Variants in DENND6A observed in about 807,000 individuals in gnomAD.
The protein encoded by DENND6A is protein DENND6A.
In DENND6A, 43 loss-of-function variants were observed where a neutral mutation model predicts 95.5. The ratio of observed to expected loss-of-function variants is 0.45; its 90% confidence interval spans 0.35 to 0.58. DENND6A has a LOEUF of 0.58. Among genes scored for constraint, DENND6A ranks in the 20% least tolerant of loss-of-function variants. The probability of loss-of-function intolerance (pLI) is 0.00; values close to 1 mark genes in which losing one functional copy is unlikely to be tolerated. For missense variants in DENND6A, 574 were observed against 736.0 expected (o/e 0.78, Z 2.55); for synonymous variants, 257 against 260.4 (o/e 0.99, Z 0.13).
chr3:57,690,527 A>C lies in DENND6A; in HGVS notation c.237+2255T>G, dbSNP rs190695279. ...CAGAGCAAGACTCTCTCTCTCAAAA[A>C]ACAAAAATTAGCTGGGCATGGTGAC... On this transcript the variant is annotated intron_variant, in intron 1 of 19. Coordinates refer to ENST00000311128, the MANE Select transcript of DENND6A (RefSeq NM_152678.3). Among the ~76,000 whole-genome samples, 1,055 of 151,766 alleles carry C rather than the reference A, an allele frequency of 7.0e-3. 7 individuals carry two copies. The highest frequency in any genetic ancestry group is 0.012 in the Non-Finnish European group (783 of 67,876).
intron 12 of DENND6A, among the ~76,000 whole-genome samples, chr3:57,641,219 ATATATATTTAAATATTTAAATATATAT>A (rs2070924160): frequency 6.9e-6 from 1 of 144,470 alleles, no homozygotes; most frequent in African/African-American, 2.5e-5. Flanking sequence ...AGTAATAAAA[ATATATATTTAAATATTTAAATATATAT>A]TATATATTTA....
At chr3:57,645,787 G>A (rs1392702044) in intron 10 of DENND6A, 31 bp from the exon 11 acceptor site, 1 of 1,536,154 alleles carries the variant, frequency 6.5e-7, no homozygotes, top group South Asian at 1.1e-5. Context: ...GTAAAATAAA[G>A]GACACAGAAA....
At chr3:57,635,208 T>C (rs1263314797) in intron 12 of DENND6A, among the ~76,000 whole-genome samples, 1 of 151,990 alleles carries the variant, frequency 6.6e-6, no homozygotes, top group Non-Finnish European at 1.5e-5. Context: ...GGGGTTTTGT[T>C]TTGTTTTGTT....
chr3:57,638,117 G>C (rs1302987666), intron 12 of DENND6A, among the ~76,000 whole-genome samples: 2 of 151,934 alleles, frequency 1.3e-5, no homozygotes, highest in African/African-American at 4.8e-5. Context: ...CTGGAAGACA[G>C]ACCAAGACTC....
At chr3:57,672,185 TCATA>T in intron 3 of DENND6A, 67 bp downstream of exon 3, 1 of 1,382,252 alleles carries the variant, frequency 7.2e-7, no homozygotes, top group Non-Finnish European at 9.9e-7. Flanking sequence ...CAATCAATTT[TCATA>T]CATTAACAGT....
chr3:57,672,182 T>C (rs575827403), intron 3 of DENND6A, 74 bp downstream of exon 3: 2 of 1,368,990 alleles, frequency 1.5e-6, no homozygotes, highest in African/African-American at 1.5e-5. Flanking sequence ...TTTCAATCAA[T>C]TTTCATACAT....
chr3:57,663,609 T>C, intron 5 of DENND6A, 27 bp downstream of exon 5: 1 of 1,492,388 alleles, frequency 6.7e-7, no homozygotes, highest in Non-Finnish European at 9.1e-7. Context: ...AAAAAATACT[T>C]TTTTTATTAG....
chr3:57,662,222 ACT>A (rs1418754878), intron 5 of DENND6A, among the ~76,000 whole-genome samples: 1 of 108,512 alleles, frequency 9.2e-6, no homozygotes, highest in Non-Finnish European at 1.7e-5. Context: ...ACAAGGTCTC[ACT>A]CTGTCACCCA....
At position 57,626,863 on chromosome 3, in the gene DENND6A, A is replaced by G. The variant is rs2070541496; in HGVS notation, c.*1351T>C. ...AACAACAACAAAAGCTAACCATGAC[A>G]GTGACTCAGGCGAAAGTTCCCATGT... On this transcript the variant is annotated 3_prime_UTR_variant, in exon 20 of 20. Coordinates refer to ENST00000311128, the MANE Select transcript of DENND6A (RefSeq NM_152678.3). 6.6e-6 allele frequency: 1 copy of G among 152,630 alleles called. No individual in the cohort carries two copies. The highest frequency in any genetic ancestry group is 1.5e-5 in the Non-Finnish European group (1 of 68,042). 9.5% of individuals were successfully genotyped at this position (152,630 alleles called of 1,614,324 possible).
intron 5 of DENND6A, among the ~76,000 whole-genome samples, chr3:57,662,584 T>A (rs1175781100): frequency 6.6e-6 from 1 of 152,132 alleles, no homozygotes; most frequent in African/African-American, 2.4e-5. Flanking sequence ...GTTTATTTAC[T>A]GGCTCTTAAA....
intron 1 of DENND6A, among the ~76,000 whole-genome samples, chr3:57,675,808 C>T (rs757963333): frequency 6.6e-6 from 1 of 152,214 alleles, no homozygotes; most frequent in Non-Finnish European, 1.5e-5. Flanking sequence ...ACAAAAATTA[C>T]ACACTCAGTG....
intron 1 of DENND6A, among the ~76,000 whole-genome samples, chr3:57,687,150 C>T (rs1057507387): frequency 3.3e-5 from 5 of 152,154 alleles, no homozygotes; most frequent in Non-Finnish European, 7.3e-5. Context: ...TGAGACACCA[C>T]ACCCAGCCAA....
chr3:57,653,999 G>C (rs2071269737), intron 9 of DENND6A, among the ~76,000 whole-genome samples: 1 of 137,244 alleles, frequency 7.3e-6, no homozygotes, highest in Admixed American at 7.8e-5. Context: ...CCAGGCTGGA[G>C]TGCAGTGGCA....
chr3:57,632,059 C>A (rs1281177016), intron 15 of DENND6A, among the ~76,000 whole-genome samples: 1 of 130,260 alleles, frequency 7.7e-6, no homozygotes, highest in Admixed American at 8.6e-5. Flanking sequence ...CTCACTCTTT[C>A]GCCCAGGCTG....
At chr3:57,628,395 TAATAC>T in intron 19 of DENND6A, 50 bp from the exon 20 acceptor site, 1 of 1,586,278 alleles carries the variant, frequency 6.3e-7, no homozygotes, top group Non-Finnish European at 8.6e-7. Flanking sequence ...GAATCTGTAT[TAATAC>T]ATTACATTCT....
At position 57,692,809 on chromosome 3, in the gene DENND6A, G is replaced by A; in HGVS notation, c.210C>T (p.Phe70=). 6.4e-7 allele frequency: 1 copy of A among 1,562,048 alleles called. No individual in the cohort carries two copies. Among genetic ancestry groups the A allele is most frequent in the Non-Finnish European group, 8.6e-7 (1 of 1,158,604 alleles). Residue 70 remains phenylalanine, a synonymous_variant, in exon 1 of 20, where the codon TTC becomes TTT. Transcript: ENST00000311128. ...CCACGGCCTGGCCCAGCTCCAGGTC[G>A]AAGCCCACCACACACACGCAGTGCA... is the stretch of plus-strand genomic sequence containing the variant. ...AWLHCVCVVG[F]DLELGQAVEV...
chr3:57,652,443 A>G (rs920635385), intron 9 of DENND6A, among the ~76,000 whole-genome samples: 1 of 152,172 alleles, frequency 6.6e-6, no homozygotes, highest in Admixed American at 6.5e-5. Flanking sequence ...GAAACCACAG[A>G]TAACAACTTG....
Position 57,630,995 on chromosome 3 carries a change from A to G in DENND6A, c.1354-17T>C, listed in dbSNP as rs1008819474. 1 of 1,607,952 alleles carries G rather than the reference A, an allele frequency of 6.2e-7. No individual in the cohort carries two copies. The highest frequency in any genetic ancestry group is 8.5e-7 in the Non-Finnish European group (1 of 1,178,468). On this transcript the variant is annotated splice_polypyrimidine_tract_variant and intron_variant, in intron 15 of 19. Coordinates refer to ENST00000311128, the MANE Select transcript of DENND6A (RefSeq NM_152678.3). ...ATATCTTTCCTAAAACCAAGAAAAA[A>G]GTTAATAAAAGGAGTGTCTTCAAAA...
intron 6 of DENND6A, 80 bp downstream of exon 6, chr3:57,661,366 T>C: frequency 9.1e-7 from 1 of 1,095,950 alleles, no homozygotes; most frequent in Non-Finnish European, 1.2e-6. Flanking sequence ...TTATAAATTG[T>C]TATAAATCAA....
Sources: gnomAD v4.1 joint callset for allele counts (sites outside exome capture counted in the v4.1 genomes callset) on GRCh38, gnomAD v4.1.1 for gene constraint, MANE v1.5 for transcripts, NCBI Gene and HGNC (gene_info 2026-07-23, HGNC 2026-07-21) for gene names.